Variants in MYCBP observed in about 807,000 individuals in gnomAD.
The protein encoded by MYCBP is MYC binding protein.
In MYCBP, 5 loss-of-function variants were observed where a neutral mutation model predicts 16.8. The observed-to-expected ratio is 0.30, with a 90% confidence interval of 0.16 to 0.63. The LOEUF is 0.63. Among genes scored for constraint, MYCBP ranks in the 20% least tolerant of loss-of-function variants. The pLI is 0.83. For synonymous variants in MYCBP, 35 were observed against 43.7 expected, an observed-to-expected ratio of 0.80 and a Z score of 0.79; for missense variants, 103 against 121.8, an observed-to-expected ratio of 0.85 and a Z score of 0.73.
rs1226487608 is a variant in MYCBP at position 38,865,490 on chromosome 1, T to G, written c.268-776A>C. On this transcript the variant is annotated intron_variant, in intron 4 of 4. Coordinates refer to ENST00000397572, the MANE Select transcript of MYCBP (RefSeq NM_012333.5). ...TTGACTAATTTGAAGTTCATGAAAATTCTCACAGGACTTTGAAAAAAGAAA... is the reference window on the plus strand; with the variant it reads ...TTGACTAATTTGAAGTTCATGAAAAGTCTCACAGGACTTTGAAAAAAGAAA... 2.0e-5 allele frequency among the ~76,000 whole-genome samples: 3 copies of G among 152,078 alleles called. 1 individual carries two copies. The highest frequency in any genetic ancestry group is 4.4e-5 in the Non-Finnish European group (3 of 68,020).
intron 2 of MYCBP, among the ~76,000 whole-genome samples, chr1:38,868,961 CAAGTT>C (rs901924061): frequency 3.3e-5 from 5 of 152,018 alleles, no homozygotes; most frequent in Admixed American, 2.6e-4. Flanking sequence ...ATCTAGACCC[CAAGTT>C]AAGTCCTGTT....
chr1:38,864,712 A>T lies in MYCBP; in HGVS notation c.270T>A (p.Leu90=). The T allele has an allele frequency of 6.2e-7, 1 of 1,613,902 alleles. No individual in the cohort carries two copies. Among genetic ancestry groups the T allele is most frequent in the Non-Finnish European group, 8.5e-7 (1 of 1,179,834 alleles). The part of the protein sequence containing the change: ...VEENKKLKAK[L]AQYEPPQEEK... ...CCTCCTGAGGTGGTTCATACTGAGC[A>T]AGCTATGGGGCAAAGACAGAGGAAT... Residue 90 remains leucine, a splice_region_variant and synonymous_variant, in exon 5 of 5, where the codon CTT becomes CTA. Coordinates refer to ENST00000397572, the MANE Select transcript of MYCBP (RefSeq NM_012333.5).
At position 38,863,936 on chromosome 1, in the gene MYCBP, G is replaced by C. The variant is rs1001491394; in HGVS notation, c.*734C>G. On this transcript the variant is annotated 3_prime_UTR_variant, in exon 5 of 5. Coordinates refer to ENST00000397572, the MANE Select transcript of MYCBP (RefSeq NM_012333.5). ...CTCAGTAAGCAAATAAGGCAGGCAGGGGGTACAGTGTGATCCTGTTTAAAG... is the reference window on the plus strand; with the variant it reads ...CTCAGTAAGCAAATAAGGCAGGCAGCGGGTACAGTGTGATCCTGTTTAAAG... The C allele has an allele frequency of 4.6e-5, 7 of 152,420 alleles. No individual in the cohort carries two copies. Among genetic ancestry groups the C allele is most frequent in the African/African-American group, 1.4e-4 (6 of 41,440 alleles). The allele number at this position is 152,420 out of a possible 1,614,324, so 9.4% of individuals were successfully genotyped here. A position where few individuals can be genotyped will look rare whatever the true frequency, so the allele number is the denominator to read the frequency against.
At position 38,867,581 on chromosome 1, in the gene MYCBP, T is replaced by G. The variant is rs1439959215; in HGVS notation, c.118A>C (p.Lys40Gln). 1 of 1,613,718 alleles carries G rather than the reference T, an allele frequency of 6.2e-7. No homozygotes were observed. Among genetic ancestry groups the G allele is most frequent in the Non-Finnish European group, 8.5e-7 (1 of 1,179,932 alleles). The change falls in exon 3 of 5, where the codon AAA (lysine) becomes CAA (glutamine). Residue 40 changes from lysine (K) to glutamine (Q), a missense_variant. By Grantham distance (53) the Lys-to-Gln change is moderately conservative. Coordinates refer to ENST00000397572, the MANE Select transcript of MYCBP (RefSeq NM_012333.5). Reference sequence around the variant, plus strand: ...GGATACTCCAAAGCACTGTTAGGTTTCTCTGGTTCTTCATATAAGGCTACC... The same window carrying G: ...GGATACTCCAAAGCACTGTTAGGTTGCTCTGGTTCTTCATATAAGGCTACC... ...VLVALYEEPEKPNSALDFLKH... is the reference protein window; with the variant it reads ...VLVALYEEPEQPNSALDFLKH...
intron 2 of MYCBP, among the ~76,000 whole-genome samples, chr1:38,870,789 G>C: frequency 1.1e-5 from 1 of 94,154 alleles, no homozygotes. Flanking sequence ...GACAGAGCGA[G>C]ACTCCGTCTC....
At chr1:38,865,236 T>G (rs975626603) in intron 4 of MYCBP, among the ~76,000 whole-genome samples, 2 of 152,240 alleles carry the variant, frequency 1.3e-5, no homozygotes, top group Non-Finnish European at 1.5e-5. Context: ...TGTGGTTCCT[T>G]GCAAGAACAC....
Position 38,862,823 on chromosome 1 carries a change from G to T in MYCBP, c.*1847C>A, listed in dbSNP as rs879891543. ...TTCAAAAAGGATGGTACCAAAGACAGTCACAGTCACCTGGCTTACTGACAT... is the reference window on the plus strand; with the variant it reads ...TTCAAAAAGGATGGTACCAAAGACATTCACAGTCACCTGGCTTACTGACAT... On this transcript the variant is annotated 3_prime_UTR_variant, in exon 5 of 5. Transcript: ENST00000397572. The T allele has an allele frequency of 6.6e-6, 1 of 152,172 alleles. No homozygotes were observed. Among genetic ancestry groups the T allele is most frequent in the Admixed American group, 6.5e-5 (1 of 15,276 alleles). The allele number at this position is 152,172 out of a possible 1,614,324, so 9.4% of individuals were successfully genotyped here. A position where few individuals can be genotyped will look rare whatever the true frequency, so the allele number is the denominator to read the frequency against.
At chr1:38,867,874 A>G (rs1192364080) in intron 2 of MYCBP, among the ~76,000 whole-genome samples, 1 of 152,224 alleles carries the variant, frequency 6.6e-6, no homozygotes, top group Non-Finnish European at 1.5e-5. Context: ...AGAACACCTA[A>G]GCAAACCTAG....
chr1:38,871,306 T>C (rs1642460471), intron 2 of MYCBP, among the ~76,000 whole-genome samples: 1 of 142,082 alleles, frequency 7.0e-6, no homozygotes, highest in South Asian at 2.2e-4. Context: ...ATCCAACCAC[T>C]CTGGCCTCCT....
chr1:38,871,547 G>T (rs1642467788), intron 2 of MYCBP, among the ~76,000 whole-genome samples: 1 of 148,774 alleles, frequency 6.7e-6, no homozygotes, highest in African/African-American at 2.5e-5. Context: ...CTCCACAGTA[G>T]CTAGATTACA....
At chr1:38,873,219 C>T in intron 1 of MYCBP, 72 bp downstream of exon 1, 1 of 1,581,212 alleles carries the variant, frequency 6.3e-7, no homozygotes, top group Non-Finnish European at 8.6e-7. Flanking sequence ...GCGCGCGACC[C>T]CACTCCCACC....
At chr1:38,866,487 G>A (rs1463913371) in intron 4 of MYCBP, among the ~76,000 whole-genome samples, 1 of 151,480 alleles carries the variant, frequency 6.6e-6, no homozygotes, top group South Asian at 2.1e-4. Context: ...CACGATCTTG[G>A]CTCACTGGAA....
At chr1:38,866,729 C>G (rs1393556271) in intron 4 of MYCBP, 151 bp downstream of exon 4, 5 of 686,822 alleles carry the variant, frequency 7.3e-6, no homozygotes, top group Non-Finnish European at 1.2e-5. Flanking sequence ...TTGTGGTTTT[C>G]TTGACAGGGC....
intron 4 of MYCBP, among the ~76,000 whole-genome samples, chr1:38,865,789 A>C (rs996982689): frequency 6.6e-5 from 10 of 151,990 alleles, no homozygotes; most frequent in Non-Finnish European, 2.9e-5. Context: ...GTAACAGAGA[A>C]CCTGTCTCAA....
intron 4 of MYCBP, among the ~76,000 whole-genome samples, chr1:38,865,519 C>T (rs1012635751): frequency 1.3e-5 from 2 of 152,158 alleles, no homozygotes; most frequent in South Asian, 2.1e-4. Flanking sequence ...AAAGAAAAAA[C>T]TGGCTGGGTG....
chr1:38,869,557 C>G, intron 2 of MYCBP, among the ~76,000 whole-genome samples: 1 of 152,210 alleles, frequency 6.6e-6, no homozygotes, highest in Non-Finnish European at 1.5e-5. Context: ...ATGAAATGCA[C>G]TTCCTTGTAA....
intron 2 of MYCBP, chr1:38,872,509 GAC>G (rs1642486751): frequency 6.4e-6 from 1 of 156,498 alleles, no homozygotes; most frequent in Non-Finnish European, 1.4e-5. Flanking sequence ...AATAAGAATT[GAC>G]ACAGACAGAC....
intron 2 of MYCBP, among the ~76,000 whole-genome samples, chr1:38,868,852 G>A (rs1310869021): frequency 6.6e-6 from 1 of 152,090 alleles, no homozygotes; most frequent in Non-Finnish European, 1.5e-5. Context: ...CTTGCAGTGA[G>A]CCGAGATCGT....
At chr1:38,872,501 T>C (rs965546423) in intron 2 of MYCBP, 2 of 154,476 alleles carry the variant, frequency 1.3e-5, no homozygotes, top group African/African-American at 4.8e-5. Flanking sequence ...ATACACAAAA[T>C]AAGAATTGAC....
Sources: allele counts gnomAD v4.1 joint callset (sites outside exome capture counted in the v4.1 genomes callset), GRCh38; gene constraint gnomAD v4.1.1; transcripts MANE v1.5; gene names NCBI Gene and HGNC (gene_info 2026-07-23, HGNC 2026-07-21).